Variants in INVS observed in about 807,000 individuals in gnomAD.
INVS encodes inversin, also known as inversion of embryo turning homolog.
In INVS, 86 loss-of-function variants were observed where a neutral mutation model predicts 108.8. The ratio of observed to expected loss-of-function variants is 0.79; its 90% CI spans 0.66 to 0.95. The LOEUF is 0.95. INVS is among the 40% of genes least tolerant of loss of function. INVS has a pLI of 0.00. For missense variants in INVS, 1,169 were observed against 1,297.4 expected, an observed-to-expected ratio of 0.90 and a Z score of 1.52; for synonymous variants, 455 against 473.5, an observed-to-expected ratio of 0.96 and a Z score of 0.51.
At chr9:100,261,920 C>T (rs2118614562) in intron 10 of INVS, among the ~76,000 whole-genome samples, 1 of 152,194 alleles carries the variant, frequency 6.6e-6, no homozygotes, top group Admixed American at 6.5e-5. Context: ...TCCTTATATT[C>T]CCACTTGCCA....
intron 3 of INVS, among the ~76,000 whole-genome samples, chr9:100,136,505 A>C (rs145773827): frequency 6.6e-6 from 1 of 152,148 alleles, no homozygotes; most frequent in Non-Finnish European, 1.5e-5. Context: ...TTAAATACCT[A>C]ATCAGTGTTC....
At chr9:100,140,589 C>A (rs1433626026) in intron 3 of INVS, among the ~76,000 whole-genome samples, 1 of 152,156 alleles carries the variant, frequency 6.6e-6, no homozygotes, top group East Asian at 1.9e-4. Flanking sequence ...AGAGGCCTGA[C>A]ATTCCTGTCT....
chr9:100,266,633 G>T (rs1832801878), intron 11 of INVS, among the ~76,000 whole-genome samples: 1 of 151,968 alleles, frequency 6.6e-6, no homozygotes, highest in Non-Finnish European at 1.5e-5. Flanking sequence ...CCTGTATTTT[G>T]TGCTGACCTC....
chr9:100,273,846 C>G (rs1263531033), intron 12 of INVS, among the ~76,000 whole-genome samples: 4 of 151,788 alleles, frequency 2.6e-5, no homozygotes, highest in Non-Finnish European at 4.4e-5. Context: ...CTTTCCTTCA[C>G]CCATTTCTTA....
chr9:100,165,724 G>A (rs11999915), intron 3 of INVS, among the ~76,000 whole-genome samples: 31,962 of 151,982 alleles, frequency 0.21, 5,714 homozygotes, highest in African/African-American at 0.49. Context: ...AAATTACTCT[G>A]TTTTTGGCCT....
intron 3 of INVS, among the ~76,000 whole-genome samples, chr9:100,213,155 T>C (rs1409012165): frequency 7.2e-6 from 1 of 139,480 alleles, no homozygotes; most frequent in East Asian, 2.4e-4. Flanking sequence ...AAATGTCCCA[T>C]ATCCTAATAC....
chr9:100,277,334 A>G (rs1475165329), intron 12 of INVS, among the ~76,000 whole-genome samples: 1 of 152,216 alleles, frequency 6.6e-6, no homozygotes, highest in Non-Finnish European at 1.5e-5. Flanking sequence ...GCTCCCGTGA[A>G]CATCACCAGA....
chr9:100,244,094 T>C (rs1288917175), intron 7 of INVS, among the ~76,000 whole-genome samples: 1 of 152,186 alleles, frequency 6.6e-6, no homozygotes, highest in South Asian at 2.1e-4. Context: ...CTCTATTAAA[T>C]ACTCAGATCT....
intron 5 of INVS, among the ~76,000 whole-genome samples, chr9:100,233,764 C>T (rs373740668): frequency 2.8e-4 from 43 of 152,170 alleles, no homozygotes; most frequent in African/African-American, 8.4e-4. Context: ...CTACTGGTTT[C>T]GGTTTACCAG....
intron 3 of INVS, among the ~76,000 whole-genome samples, chr9:100,224,316 T>A (rs2118390224): frequency 6.6e-6 from 1 of 152,234 alleles, no homozygotes; most frequent in Admixed American, 6.5e-5. Context: ...GGATGACAAA[T>A]GGACAAATAA....
At chr9:100,231,749 A>G (rs1011375414) in intron 5 of INVS, among the ~76,000 whole-genome samples, 2 of 152,094 alleles carry the variant, frequency 1.3e-5, no homozygotes, top group African/African-American at 4.8e-5. Flanking sequence ...TATCCAGTCT[A>G]TCATTGATGG....
At position 100,253,071 on chromosome 9, in the gene INVS, G is replaced by A; in HGVS notation, c.1399G>A (p.Gly467Ser). 1 of 1,613,966 alleles carries A rather than the reference G, an allele frequency of 6.2e-7. No homozygotes were observed. Among genetic ancestry groups the A allele is most frequent in the South Asian group, 1.1e-5 (1 of 91,074 alleles). ...CCCTTTGCAGTGTGCAGCATATGGA[G>A]GCTATATCAACTGCATGGCAGTTCT... is the stretch of plus-strand genomic sequence containing the variant. The part of the protein sequence containing the change: ...RTPLQCAAYG[G>S]YINCMAVLME... The change falls in exon 10 of 17, where the codon GGC (glycine) becomes AGC (serine). Residue 467 changes from glycine to serine, a missense_variant. Transcript: ENST00000262457.
At chr9:100,178,142 C>T (rs1199817967) in intron 3 of INVS, among the ~76,000 whole-genome samples, 2 of 152,038 alleles carry the variant, frequency 1.3e-5, no homozygotes, top group Non-Finnish European at 1.5e-5. Context: ...CATAGAAGAC[C>T]AAAGGTAGAT....
intron 2 of INVS, among the ~76,000 whole-genome samples, chr9:100,119,652 G>C (rs1827662170): frequency 6.6e-6 from 1 of 152,198 alleles, no homozygotes; most frequent in African/African-American, 2.4e-5. Context: ...CTGCCTCCCG[G>C]GTTCACGCCA....
intron 5 of INVS, among the ~76,000 whole-genome samples, chr9:100,235,149 G>C (rs567840305): frequency 6.6e-6 from 1 of 150,994 alleles, no homozygotes; most frequent in Non-Finnish European, 1.5e-5. Flanking sequence ...GATCTTTGTT[G>C]GTTTAAAGTC....
At chr9:100,242,764 A>T in intron 7 of INVS, 85 bp downstream of exon 7, 1 of 808,916 alleles carries the variant, frequency 1.2e-6, no homozygotes, top group South Asian at 1.4e-5. Context: ...GTTGTAGGAA[A>T]TAATACAACA....
At chr9:100,207,779 C>G (rs1236808209) in intron 3 of INVS, among the ~76,000 whole-genome samples, 1 of 152,078 alleles carries the variant, frequency 6.6e-6, no homozygotes, top group Non-Finnish European at 1.5e-5. Flanking sequence ...AACCTTTTTT[C>G]TTACTTTGTT....
chr9:100,231,427 A>G (rs1442109589), intron 5 of INVS, among the ~76,000 whole-genome samples: 1 of 152,048 alleles, frequency 6.6e-6, no homozygotes, highest in Non-Finnish European at 1.5e-5. Context: ...TTACATAGGT[A>G]TACATGTGCC....
In INVS at chr9:100,273,527, C is replaced by CTTTTTTTTT. The variant is rs58458085; in HGVS notation, c.1784+470_1784+478dup. ...ACTTGGTTTTTTTTTCCACTCAGTT[C>CTTTTTTTTT]TTTTTTTTTTTTTTTTTTTTTTTTT... On this transcript the variant is annotated intron_variant, in intron 12 of 16. Coordinates refer to ENST00000262457, the MANE Select transcript of INVS (RefSeq NM_014425.5). Among the ~76,000 whole-genome samples the CTTTTTTTTT allele has an allele frequency of 3.1e-5, 3 of 96,276 alleles. 1 individual carries two copies. The highest frequency in any genetic ancestry group is 8.6e-4 in the South Asian group (2 of 2,316). The allele number at this position is 96,276 out of a possible 152,430, so 63.2% of individuals were successfully genotyped here. A position where few individuals can be genotyped will look rare whatever the true frequency, so the allele number is the denominator to read the frequency against.
Sources: allele counts gnomAD v4.1 joint callset (sites outside exome capture counted in the v4.1 genomes callset), GRCh38; gene constraint gnomAD v4.1.1; transcripts MANE v1.5; gene names NCBI Gene and HGNC (gene_info 2026-07-23, HGNC 2026-07-21).